The following ALDH1L1 variants were observed in gnomAD, a reference collection of about 807,000 sequenced individuals.
ALDH1L1 encodes the protein cytosolic 10-formyltetrahydrofolate dehydrogenase.
ALDH1L1 carries 68 observed loss-of-function variants against 101.1 expected under a neutral mutation model. The observed-to-expected ratio is 0.67, with a 90% CI of 0.55 to 0.82. ALDH1L1 has a LOEUF of 0.82. ALDH1L1 is among the 40% of genes least tolerant of loss of function. The pLI, the probability that ALDH1L1 is intolerant of heterozygous loss-of-function variation, is 0.00. For synonymous variants in ALDH1L1, 486 were observed against 470.8 expected, an observed-to-expected ratio of 1.03 and a Z score of -0.42; for missense variants, 1,087 against 1,172.7, an observed-to-expected ratio of 0.93 and a Z score of 1.07.
At position 126,107,189 on chromosome 3, in the gene ALDH1L1, T is replaced by C; in HGVS notation, c.2405A>G (p.Lys802Arg). The C allele has an allele frequency of 3.1e-6, 5 of 1,614,186 alleles. No individual in the cohort carries two copies. Among genetic ancestry groups the C allele is most frequent in the Non-Finnish European group, 4.2e-6 (5 of 1,180,010 alleles). The change falls in exon 21 of 23, where the codon AAG becomes AGG. Residue 802 changes from lysine (K) to arginine (R), a missense_variant. This residue lies in a region of ALDH1L1 where 442 missense variants were observed against 535.7 expected (regional missense o/e 0.83). Coordinates refer to ENST00000393434, the MANE Select transcript of ALDH1L1 (RefSeq NM_012190.4). Reference sequence around the variant, plus strand: ...CATGACAGGCCCGAAGGACTCCTCCTTGGCTATGAACATGTGGTCTTCCAC... The same window carrying C: ...CATGACAGGCCCGAAGGACTCCTCCCTGGCTATGAACATGTGGTCTTCCAC... ...TDVEDHMFIA[K>R]EESFGPVMII...
chr3:126,144,248 G>A (rs1444020303), intron 9 of ALDH1L1, among the ~76,000 whole-genome samples: 3 of 152,164 alleles, frequency 2.0e-5, no homozygotes, highest in African/African-American at 7.2e-5. Flanking sequence ...TGTGTTCATG[G>A]ACTGGAGAAG....
At chr3:126,180,641 G>C (rs1055206093), upstream of ALDH1L1, 17 of 1,307,636 alleles carry the variant, frequency 1.3e-5, no homozygotes. Flanking sequence ...GGAGGGGCGC[G>C]GGGCGGGCGG....
rs2080963473 is a variant in ALDH1L1, at chr3:126,158,457, T to C, written c.310A>G (p.Ile104Val). 3 of 1,613,434 alleles carry C rather than the reference T, an allele frequency of 1.9e-6. No homozygotes were observed. The highest frequency in any genetic ancestry group is 1.7e-4 in the Middle Eastern group (1 of 6,056). Residue 104 changes from isoleucine (I) to valine (V), a missense_variant, in exon 3 of 23, where the codon ATC (isoleucine) becomes GTC (valine). By Grantham distance (29) the Ile-to-Val change is conservative. Around this residue, in one of 2 missense-constraint regions of ALDH1L1, gnomAD observed 645 missense variants for 637.0 expected, o/e 1.01. Transcript: ENST00000393434. ...CTAGGGAGCAGTGACGGGTGATAGA[T>C]GATGGAGCCATGCCGGGGGGCACTG... ...IISAPRHGSIIYHPSLLPRHR... is the reference protein window; with the variant it reads ...IISAPRHGSIVYHPSLLPRHR...
At chr3:126,134,220 C>T (rs961519992) in intron 12 of ALDH1L1, among the ~76,000 whole-genome samples, 2 of 152,180 alleles carry the variant, frequency 1.3e-5, no homozygotes, top group African/African-American at 2.4e-5. Context: ...CAGGTCTTCA[C>T]GGGGCCTGAG....
intron 4 of ALDH1L1, chr3:126,155,752 A>T: frequency 2.5e-6 from 1 of 400,040 alleles, no homozygotes. Context: ...ACATCTTCTG[A>T]TATCTTAGAT....
intron 20 of ALDH1L1, among the ~76,000 whole-genome samples, chr3:126,108,601 A>G (rs1945968275): frequency 6.6e-6 from 1 of 152,216 alleles, no homozygotes; most frequent in Non-Finnish European, 1.5e-5. Flanking sequence ...CAGCAGTGCA[A>G]TGGTCACGAG....
chr3:126,167,169 A>G (rs1338289998), intron 1 of ALDH1L1, among the ~76,000 whole-genome samples: 2 of 152,156 alleles, frequency 1.3e-5, no homozygotes, highest in Non-Finnish European at 2.9e-5. Flanking sequence ...ACAAAACCCA[A>G]GAGTCTGTTT....
chr3:126,158,758 ACC>A, intron 2 of ALDH1L1, 119 bp from the exon 3 acceptor site: 1 of 931,366 alleles, frequency 1.1e-6, no homozygotes, highest in Non-Finnish European at 1.6e-6. Context: ...CCTCACCCAC[ACC>A]CCAGCCAGGC....
Position 126,153,446 on chromosome 3 carries a change from T to C in ALDH1L1, c.856A>G (p.Met286Val). Residue 286 changes from methionine (M) to valine (V), a missense_variant and splice_region_variant, in exon 7 of 23, where the codon ATG (methionine) becomes GTG (valine). Met to Val is a conservative substitution (Grantham distance 21). Transcript: ENST00000393434. ...GTGACCCACAGCCGTGCCCTTACCA[T>C]TTTGTCATCATTCCCAAAGAGGATG... is the stretch of plus-strand genomic sequence containing the variant. ...GLILFGNDDK[M>V]LLVKNIQLED... 6.2e-7 allele frequency: 1 copy of C among 1,613,792 alleles called. No homozygotes were observed. Among genetic ancestry groups the C allele is most frequent in the Non-Finnish European group, 8.5e-7 (1 of 1,180,008 alleles).
intron 17 of ALDH1L1, 101 bp from the exon 18 acceptor site, chr3:126,114,757 G>T: frequency 8.8e-7 from 1 of 1,136,746 alleles, no homozygotes. Flanking sequence ...AGCATGCTTT[G>T]CTGCAAGAAG....
intron 8 of ALDH1L1, among the ~76,000 whole-genome samples, chr3:126,148,164 C>T (rs2080735384): frequency 6.6e-6 from 1 of 152,184 alleles, no homozygotes; most frequent in Non-Finnish European, 1.5e-5. Flanking sequence ...GTGCGGCAGA[C>T]TGGTCACTGA....
At chr3:126,149,760 C>T (rs2080772025) in intron 8 of ALDH1L1, among the ~76,000 whole-genome samples, 1 of 152,164 alleles carries the variant, frequency 6.6e-6, no homozygotes, top group Non-Finnish European at 1.5e-5. Flanking sequence ...ACTCCCTGAA[C>T]ACAGGGAGGC....
Position 126,157,601 on chromosome 3 carries a change from G to C in ALDH1L1, c.363-93C>G, listed in dbSNP as rs2080941328. The C allele has an allele frequency of 4.2e-6, 6 of 1,426,656 alleles. No homozygotes were observed. The East Asian group carries it at 1.4e-4, about 33-fold the overall frequency. 88.4% of individuals were successfully genotyped at this position (1,426,656 alleles called of 1,614,324 possible). ...CCCGTGGACCTGCCACCCTCCAGGA[G>C]GCCCTCTCTTCCCAGGGGTAGGACT... On this transcript the variant is annotated intron_variant, in intron 3 of 22. Transcript: ENST00000393434.
At chr3:126,118,798 C>A (rs2080025210) in intron 16 of ALDH1L1, among the ~76,000 whole-genome samples, 2 of 152,248 alleles carry the variant, frequency 1.3e-5, no homozygotes, top group East Asian at 3.9e-4. Context: ...GGTGAGCCAG[C>A]CACAGAGGCC....
chr3:126,116,734 G>T (rs985632882), intron 17 of ALDH1L1, among the ~76,000 whole-genome samples: 2 of 152,210 alleles, frequency 1.3e-5, no homozygotes, highest in African/African-American at 4.8e-5. Flanking sequence ...TGTCAGTCAG[G>T]GCTCCACCTG....
In ALDH1L1 at chr3:126,123,001, T is replaced by C. The variant is rs151184213; in HGVS notation, c.1888+1363A>G. Among the ~76,000 whole-genome samples the C allele has an allele frequency of 2.3e-3, 346 of 152,260 alleles. 2 individuals are homozygous for C. The highest frequency in any genetic ancestry group is 3.7e-3 in the Non-Finnish European group (255 of 68,016). Reference sequence around the variant, plus strand: ...AAAGTCTCCAGTCAAAAGGCAGAGATTATGAGACTGGATAAAAAACAAGAT... The same window carrying C: ...AAAGTCTCCAGTCAAAAGGCAGAGACTATGAGACTGGATAAAAAACAAGAT... On this transcript the variant is annotated intron_variant, in intron 16 of 22. Coordinates refer to ENST00000393434, the MANE Select transcript of ALDH1L1 (RefSeq NM_012190.4).
chr3:126,118,515 C>T (rs1177644041), intron 16 of ALDH1L1, among the ~76,000 whole-genome samples: 1 of 152,122 alleles, frequency 6.6e-6, no homozygotes, highest in Non-Finnish European at 1.5e-5. Context: ...GAGAAGCTGA[C>T]GCTGCTGACA....
chr3:126,120,444 C>T (rs147478177), intron 16 of ALDH1L1, among the ~76,000 whole-genome samples: 5 of 152,164 alleles, frequency 3.3e-5, no homozygotes, highest in African/African-American at 7.2e-5. Flanking sequence ...AGAAAAAGAT[C>T]ACTGGTTGCC....
chr3:126,140,409 G>A lies in ALDH1L1; in HGVS notation c.1077-2449C>T, dbSNP rs191201275. ...CCTGCCCTAGAAGAAATGCTGAAAAGAGTCTTTCAGGCTGAGATAAAAGTA... is the reference window on the plus strand; with the variant it reads ...CCTGCCCTAGAAGAAATGCTGAAAAAAGTCTTTCAGGCTGAGATAAAAGTA... On this transcript the variant is annotated intron_variant, in intron 9 of 22. Transcript: ENST00000393434. 3.2e-3 allele frequency among the ~76,000 whole-genome samples: 483 copies of A among 152,178 alleles called. 2 individuals are homozygous for A. Among genetic ancestry groups the A allele is most frequent in the African/African-American group, 0.011 (440 of 41,540 alleles).
Sources: gnomAD v4.1 joint callset for allele counts (sites outside exome capture counted in the v4.1 genomes callset) on GRCh38, gnomAD v4.1.1 for gene constraint, gnomAD v4.1.1 regional missense constraint, MANE v1.5 for transcripts, NCBI Gene and HGNC (gene_info 2026-07-23, HGNC 2026-07-21) for gene names.